The following IRAG1 variants were observed in gnomAD, a reference collection of about 807,000 sequenced individuals.
IRAG1 encodes the protein IP3R-associated cGMP kinase substrate.
Under a neutral mutation model 106.2 loss-of-function variants are expected in IRAG1, and 62 were observed. The ratio of observed to expected loss-of-function variants is 0.58; its 90% confidence interval spans 0.48 to 0.72. The LOEUF (loss-of-function observed/expected upper bound fraction) is 0.72, where lower values mean the gene tolerates loss of function less well. Among genes scored for constraint, IRAG1 ranks in the 30% least tolerant of loss-of-function variants. IRAG1 has a pLI of 0.00. For synonymous variants in IRAG1, 462 were observed against 443.9 expected (o/e 1.04, Z -0.51); for missense variants, 1,064 against 1,140.7 (o/e 0.93, Z 0.97).
chr11:10,607,294 G>C (rs577648707), intron 11 of IRAG1, among the ~76,000 whole-genome samples: 1 of 152,288 alleles, frequency 6.6e-6, no homozygotes, highest in African/African-American at 2.4e-5. Context: ...CTGTCTCTGA[G>C]GGCTGTGACA....
At chr11:10,593,967 C>G in intron 16 of IRAG1, 179 bp downstream of exon 16, 1 of 629,314 alleles carries the variant, frequency 1.6e-6, no homozygotes, top group Non-Finnish European at 2.8e-6. Context: ...TTAAGGAAAC[C>G]ATGAGCAAGA....
At chr11:10,605,831 T>C (rs1311673170) in intron 12 of IRAG1, among the ~76,000 whole-genome samples, 1 of 152,266 alleles carries the variant, frequency 6.6e-6, no homozygotes, top group African/African-American at 2.4e-5. Flanking sequence ...TGCTCAATGC[T>C]TAATTTTCTA....
rs1858094868 is a variant in IRAG1 at position 10,647,868 on chromosome 11, A to C, written c.225+4157T>G. On this transcript the variant is annotated intron_variant, in intron 2 of 20. Coordinates refer to ENST00000423302, the MANE Select transcript of IRAG1 (RefSeq NM_130385.4). This position sits in a 1 kb window ranked among gnomAD's most constrained non-coding sequence, Gnocchi z 4.3. ...CTGTCATGGGAGCAAAGACTGAAGA[A>C]ACTAGAGAAAAAGAGACTCTGAGAA... Among the ~76,000 whole-genome samples, 1 of 152,146 alleles carries C rather than the reference A, an allele frequency of 6.6e-6. No individual in the cohort carries two copies. Among genetic ancestry groups the C allele is most frequent in the Non-Finnish European group, 1.5e-5 (1 of 68,034 alleles).
intron 15 of IRAG1, among the ~76,000 whole-genome samples, chr11:10,596,912 C>T (rs1020061528): frequency 2.4e-4 from 37 of 152,328 alleles, no homozygotes; most frequent in African/African-American, 7.9e-4. Context: ...TCATTTACTT[C>T]CAAGTCTGCA....
At position 10,628,957 on chromosome 11, in the gene IRAG1, T is replaced by C. The variant is rs1341831580; in HGVS notation, c.575-129A>G. The C allele has an allele frequency of 1.2e-6, 1 of 822,746 alleles. No individual in the cohort carries two copies. Among genetic ancestry groups the C allele is most frequent in the Non-Finnish European group, 1.9e-6 (1 of 520,092 alleles). The allele number at this position is 822,746 out of a possible 1,614,324, so 51.0% of individuals were successfully genotyped here. A position where few individuals can be genotyped will look rare whatever the true frequency, so the allele number is the denominator to read the frequency against. On this transcript the variant is annotated intron_variant, in intron 5 of 20. Coordinates refer to ENST00000423302, the MANE Select transcript of IRAG1 (RefSeq NM_130385.4). This position sits in a 1 kb window ranked among gnomAD's most constrained non-coding sequence, Gnocchi z 4.1. The stretch of plus-strand genomic sequence containing the variant: ...CCTTGCTGGGCTCAGGGGCTGATGC[T>C]GGACTGCAATATGATGCTCCTGTTA...
chr11:10,673,405 AC>A (rs1860405078), intron 1 of IRAG1, among the ~76,000 whole-genome samples: 1 of 152,158 alleles, frequency 6.6e-6, no homozygotes, highest in Admixed American at 6.5e-5. Context: ...GTCACAAAAA[AC>A]CATACGTATT....
chr11:10,647,556 C>A lies in IRAG1; in HGVS notation c.225+4469G>T, dbSNP rs747465688. 6.6e-6 allele frequency among the ~76,000 whole-genome samples: 1 copy of A among 152,136 alleles called. No homozygotes were observed. Among genetic ancestry groups the A allele is most frequent in the African/African-American group, 2.4e-5 (1 of 41,418 alleles). ...CCTGCCCCTGGGGGCTTCTAAAACC[C>A]TTTGGAGGAGGATGGGAGTTGTTCA... On this transcript the variant is annotated intron_variant, in intron 2 of 20. Coordinates refer to ENST00000423302, the MANE Select transcript of IRAG1 (RefSeq NM_130385.4). This position sits in a 1 kb window ranked among gnomAD's most constrained non-coding sequence, Gnocchi z 4.3.
Position 10,604,527 on chromosome 11 carries a change from A to C in IRAG1, c.1621T>G (p.Ser541Ala). Residue 541 changes from serine to alanine, a missense_variant, in exon 13 of 21, where the codon TCC (serine) becomes GCC (alanine). Ser to Ala is a moderately conservative substitution (Grantham distance 99, BLOSUM62 1). Transcript: ENST00000423302. ...KEVENVFVQL[S>A]LAFRNDSYTL... ...TAGCTGTCATTTCTAAAGGCCAAGG[A>C]CAGTTGCACAAACACGTTCTGTTGG... 6.2e-7 allele frequency: 1 copy of C among 1,614,052 alleles called. No individual in the cohort carries two copies.
intron 1 of IRAG1, among the ~76,000 whole-genome samples, chr11:10,668,930 A>C (rs1209241551): frequency 6.6e-6 from 1 of 152,192 alleles, no homozygotes; most frequent in Non-Finnish European, 1.5e-5. Context: ...TGGCTTCAGC[A>C]TCCCACAGTC....
At chr11:10,639,265 A>G (rs1212770230) in intron 2 of IRAG1, among the ~76,000 whole-genome samples, 1 of 152,168 alleles carries the variant, frequency 6.6e-6, no homozygotes, top group Non-Finnish European at 1.5e-5. Context: ...TCTCAAAGCA[A>G]CTTGAAGTAA....
chr11:10,604,434 C>T lies in IRAG1; in HGVS notation c.1714G>A (p.Glu572Lys). Residue 572 changes from glutamate (E) to lysine (K), a missense_variant, in exon 13 of 21, where the codon GAA (glutamate) becomes AAA (lysine). Coordinates refer to ENST00000423302, the MANE Select transcript of IRAG1 (RefSeq NM_130385.4). ...ATGGAAGCTTTGAAGTTTTCCAGTT[C>T]TTTCTCAGTGTTCTCCTCTGTCAGG... ...RNLTEENTEK[E>K]LENFKASITS... 1 of 1,614,048 alleles carries T rather than the reference C, an allele frequency of 6.2e-7. No homozygotes were observed. The highest frequency in any genetic ancestry group is 1.1e-5 in the South Asian group (1 of 91,084).
intron 2 of IRAG1, among the ~76,000 whole-genome samples, chr11:10,642,685 T>C (rs1857603449): frequency 2.0e-5 from 3 of 152,264 alleles, no homozygotes; most frequent in African/African-American, 7.2e-5. Context: ...CACTATTCTC[T>C]AGGCTTGTTT....
At position 10,652,186 on chromosome 11, in the gene IRAG1, G is replaced by C. The variant is rs1400214349; in HGVS notation, c.68-4C>G. On this transcript the variant is annotated splice_region_variant and splice_polypyrimidine_tract_variant and intron_variant, in intron 1 of 20. Coordinates refer to ENST00000423302, the MANE Select transcript of IRAG1 (RefSeq NM_130385.4). ...CAAGAGGCCTGGGCTCCACAGGCTG[G>C]GGAGATGCCAAAAGGACAAGTCAAA... 1 of 1,613,694 alleles carries C rather than the reference G, an allele frequency of 6.2e-7. No individual in the cohort carries two copies. The highest frequency in any genetic ancestry group is 1.3e-5 in the African/African-American group (1 of 74,938).
intron 18 of IRAG1, among the ~76,000 whole-genome samples, chr11:10,588,634 A>G (rs1032905453): frequency 1.1e-4 from 16 of 152,230 alleles, no homozygotes; most frequent in African/African-American, 3.9e-4. Context: ...TACAGGCGTG[A>G]GCCACTGCCC....
chr11:10,666,149 A>T (rs943529786), intron 1 of IRAG1, among the ~76,000 whole-genome samples: 2 of 152,114 alleles, frequency 1.3e-5, no homozygotes, highest in African/African-American at 4.8e-5. Flanking sequence ...TCCACCATGG[A>T]GAGGTGGGGA....
intron 15 of IRAG1, chr11:10,595,785 T>G (rs1853234631): frequency 6.6e-6 from 1 of 152,180 alleles, no homozygotes; most frequent in Admixed American, 6.5e-5. Flanking sequence ...ACAGATTATT[T>G]CGTCACCCAG....
chr11:10,644,492 A>T (rs1210798612), intron 2 of IRAG1, among the ~76,000 whole-genome samples: 1 of 152,224 alleles, frequency 6.6e-6, no homozygotes, highest in Non-Finnish European at 1.5e-5. Context: ...CCTCGATGGG[A>T]GCATCCAAGT....
intron 11 of IRAG1, among the ~76,000 whole-genome samples, chr11:10,607,072 G>A (rs1854538474): frequency 6.6e-6 from 1 of 151,876 alleles, no homozygotes; most frequent in Non-Finnish European, 1.5e-5. Flanking sequence ...AGCACTATAT[G>A]TACTCATGTA....
chr11:10,640,597 G>A (rs1053622734), intron 2 of IRAG1, among the ~76,000 whole-genome samples: 1 of 152,210 alleles, frequency 6.6e-6, no homozygotes, highest in Non-Finnish European at 1.5e-5. Context: ...TAATCCAGGA[G>A]AGAGTGTGTG....
Sources: gnomAD v4.1 joint callset for allele counts (sites outside exome capture counted in the v4.1 genomes callset) on GRCh38, gnomAD v4.1.1 for gene constraint, Gnocchi (gnomAD v3.1) non-coding constraint, MANE v1.5 for transcripts, NCBI Gene and HGNC (gene_info 2026-07-23, HGNC 2026-07-21) for gene names.